Variants in PLXDC2 observed in about 807,000 individuals in gnomAD.
PLXDC2 encodes plexin domain containing 2, also known as plexin domain-containing protein 2.
In PLXDC2, 40 loss-of-function variants were observed where a neutral mutation model predicts 68.9. That is an observed-to-expected ratio of 0.58 (90% CI 0.45 to 0.76). The LOEUF is 0.76. Ranked by LOEUF, PLXDC2 falls within the 30% of genes least tolerant of loss-of-function variation. The probability of loss-of-function intolerance (pLI) is 0.00; values close to 1 mark genes in which losing one functional copy is unlikely to be tolerated. For synonymous variants in PLXDC2, 243 were observed against 234.2 expected, an observed-to-expected ratio of 1.04 and a Z score of -0.34; for missense variants, 644 against 661.9, an observed-to-expected ratio of 0.97 and a Z score of 0.30.
intron 4 of PLXDC2, among the ~76,000 whole-genome samples, chr10:20,119,357 G>GA (rs1477162449): frequency 1.6e-4 from 24 of 151,558 alleles, no homozygotes; most frequent in African/African-American, 5.3e-4. Flanking sequence ...GTAGGTAAAG[G>GA]AAAAAGGGGG....
At chr10:19,921,136 AG>A (rs1173081894) in intron 1 of PLXDC2, among the ~76,000 whole-genome samples, 1 of 141,164 alleles carries the variant, frequency 7.1e-6, no homozygotes, top group African/African-American at 2.6e-5. Context: ...TTTGTCGCCC[AG>A]GGTGGCCTCA....
At chr10:19,943,029 A>G (rs986656452) in intron 1 of PLXDC2, among the ~76,000 whole-genome samples, 3 of 152,182 alleles carry the variant, frequency 2.0e-5, no homozygotes, top group Non-Finnish European at 4.4e-5. Context: ...CCACTTTAAA[A>G]AGTCTCTTTG....
intron 11 of PLXDC2, 25 bp downstream of exon 11, chr10:20,217,601 T>A: frequency 1.9e-6 from 2 of 1,060,878 alleles, no homozygotes; most frequent in South Asian, 2.3e-5. Context: ...GTTTGCTTTT[T>A]TTTTTTTTTT....
intron 3 of PLXDC2, among the ~76,000 whole-genome samples, chr10:20,051,527 C>T (rs2131688468): frequency 6.8e-6 from 1 of 147,404 alleles, no homozygotes; most frequent in East Asian, 2.0e-4. Flanking sequence ...AGGTATAAAC[C>T]CTATTTTTAA....
At chr10:19,855,819 C>T (rs1196977736) in intron 1 of PLXDC2, among the ~76,000 whole-genome samples, 1 of 152,174 alleles carries the variant, frequency 6.6e-6, no homozygotes, top group East Asian at 1.9e-4. Flanking sequence ...GGCTCGGTGG[C>T]TCACGCCTGT....
chr10:19,827,295 G>C (rs1458442613), intron 1 of PLXDC2, among the ~76,000 whole-genome samples: 1 of 152,168 alleles, frequency 6.6e-6, no homozygotes, highest in African/African-American at 2.4e-5. Context: ...CTTTATATCT[G>C]ATGGGACAAA....
chr10:19,958,399 A>G (rs957914591), intron 1 of PLXDC2, among the ~76,000 whole-genome samples: 12 of 152,148 alleles, frequency 7.9e-5, no homozygotes, highest in Admixed American at 5.2e-4. Context: ...TAAATATGTA[A>G]TAAAACCTAC....
At chr10:19,851,786 A>G (rs904870118) in intron 1 of PLXDC2, among the ~76,000 whole-genome samples, 14 of 152,218 alleles carry the variant, frequency 9.2e-5, no homozygotes, top group African/African-American at 2.6e-4. Context: ...GGCCTCAAGC[A>G]ATCCACCCTC....
intron 3 of PLXDC2, among the ~76,000 whole-genome samples, chr10:20,053,681 A>C (rs1398776347): frequency 6.6e-6 from 1 of 152,138 alleles, no homozygotes; most frequent in Non-Finnish European, 1.5e-5. Flanking sequence ...TGTCTTCTGA[A>C]ATGACAGTTG....
intron 9 of PLXDC2, among the ~76,000 whole-genome samples, chr10:20,185,230 A>G (rs1834667003): frequency 6.6e-6 from 1 of 151,640 alleles, no homozygotes; most frequent in African/African-American, 2.4e-5. Flanking sequence ...AAGTAAGCCA[A>G]CAACTTTATG....
chr10:20,164,933 A>G (rs1834354012), intron 7 of PLXDC2, among the ~76,000 whole-genome samples: 1 of 152,098 alleles, frequency 6.6e-6, no homozygotes, highest in African/African-American at 2.4e-5. Flanking sequence ...CTCCTACCTC[A>G]GTATCCTGAG....
In PLXDC2 at chr10:20,068,152, T is replaced by C. The variant is rs1170205446; in HGVS notation, c.472-18T>C. 16 of 1,601,454 alleles carry C rather than the reference T, an allele frequency of 1.0e-5. No homozygotes were observed. The highest frequency in any genetic ancestry group is 1.3e-5 in the Non-Finnish European group (15 of 1,170,238). On this transcript the variant is annotated intron_variant, in intron 3 of 13. Coordinates refer to ENST00000377252, the MANE Select transcript of PLXDC2 (RefSeq NM_032812.9). Reference sequence around the variant, plus strand: ...GCTACACATTATTGATTTTTTTCTCTGGTGTTGTTCTTTGCAGAGAGTGAA... The same window carrying C: ...GCTACACATTATTGATTTTTTTCTCCGGTGTTGTTCTTTGCAGAGAGTGAA...
At chr10:19,900,205 C>G (rs1290145446) in intron 1 of PLXDC2, among the ~76,000 whole-genome samples, 1 of 151,972 alleles carries the variant, frequency 6.6e-6, no homozygotes, top group Non-Finnish European at 1.5e-5. Flanking sequence ...GATTGAAGTA[C>G]AAATAGATGC....
At chr10:20,234,239 A>T (rs1041954713) in intron 12 of PLXDC2, among the ~76,000 whole-genome samples, 4 of 152,310 alleles carry the variant, frequency 2.6e-5, no homozygotes, top group Non-Finnish European at 4.4e-5. Context: ...GAAGTGTCAT[A>T]TGCCCACACA....
At chr10:20,121,236 G>A (rs1458218513) in intron 4 of PLXDC2, among the ~76,000 whole-genome samples, 3 of 152,166 alleles carry the variant, frequency 2.0e-5, no homozygotes, top group Non-Finnish European at 2.9e-5. Flanking sequence ...AAAAGTATTA[G>A]GGCGGCAGCA....
At chr10:20,156,887 C>T (rs1165131561) in intron 6 of PLXDC2, among the ~76,000 whole-genome samples, 2 of 152,178 alleles carry the variant, frequency 1.3e-5, no homozygotes, top group Non-Finnish European at 2.9e-5. Flanking sequence ...GTGTAGTTTA[C>T]AGACAACTCA....
chr10:19,924,971 G>T, intron 1 of PLXDC2, among the ~76,000 whole-genome samples: 1 of 152,186 alleles, frequency 6.6e-6, no homozygotes, highest in South Asian at 2.1e-4. Flanking sequence ...ATTTCTTATC[G>T]GTTACCTCGC....
At chr10:20,165,952 G>C (rs1338373123) in intron 7 of PLXDC2, among the ~76,000 whole-genome samples, 1 of 151,958 alleles carries the variant, frequency 6.6e-6, no homozygotes, top group Non-Finnish European at 1.5e-5. Context: ...AAGTTGGGGT[G>C]GGGGGTGTTT....
intron 12 of PLXDC2, among the ~76,000 whole-genome samples, chr10:20,224,359 A>C (rs2131871011): frequency 6.6e-6 from 1 of 152,342 alleles, no homozygotes; most frequent in African/African-American, 2.4e-5. Flanking sequence ...ATATGCATTT[A>C]TAACATTTCT....
Sources: gnomAD v4.1 joint callset for allele counts (sites outside exome capture counted in the v4.1 genomes callset) on GRCh38, gnomAD v4.1.1 for gene constraint, MANE v1.5 for transcripts, NCBI Gene and HGNC (gene_info 2026-07-23, HGNC 2026-07-21) for gene names.